The following PPARGC1A variants were observed in gnomAD, a reference collection of about 807,000 sequenced individuals.
PPARGC1A encodes PPARG coactivator 1 alpha.
In PPARGC1A, 25 loss-of-function variants were observed where a neutral mutation model predicts 88.7. The observed-to-expected ratio is 0.28, with a 90% CI of 0.21 to 0.39. The LOEUF (loss-of-function observed/expected upper bound fraction) is 0.39, where lower values mean the gene tolerates loss of function less well. Among genes scored for constraint, PPARGC1A ranks in the 10% least tolerant of loss-of-function variants. The probability of loss-of-function intolerance (pLI) is 1.00; values close to 1 mark genes in which losing one functional copy is unlikely to be tolerated. For synonymous variants in PPARGC1A, 363 were observed against 355.6 expected, an observed-to-expected ratio of 1.02 and a Z score of -0.24; for missense variants, 880 against 968.7, an observed-to-expected ratio of 0.91 and a Z score of 1.22.
the PPARGC1A span, among the ~76,000 whole-genome samples, chr4:24,032,410 T>C: frequency 6.6e-6 from 1 of 152,174 alleles, no homozygotes; most frequent in East Asian, 1.9e-4. Context: ...ATGGTGTTCA[T>C]AGAGCTCACC....
the PPARGC1A span, among the ~76,000 whole-genome samples, chr4:24,281,171 C>A: frequency 6.6e-6 from 1 of 152,232 alleles, no homozygotes; most frequent in African/African-American, 2.4e-5. Flanking sequence ...CTCGTGACTT[C>A]AGCCAAGCAA....
chr4:24,304,288 G>A, the PPARGC1A span, among the ~76,000 whole-genome samples: 2 of 152,198 alleles, frequency 1.3e-5, no homozygotes, highest in African/African-American at 4.8e-5. Context: ...CCAATAAAAG[G>A]CCCCCAGACT....
chr4:24,272,207 G>C, the PPARGC1A span, among the ~76,000 whole-genome samples: 3 of 152,032 alleles, frequency 2.0e-5, no homozygotes, highest in African/African-American at 7.2e-5. Flanking sequence ...GATATGATGA[G>C]GTTTCTCTTC....
chr4:24,232,507 A>G, the PPARGC1A span, among the ~76,000 whole-genome samples: 1 of 152,196 alleles, frequency 6.6e-6, no homozygotes, highest in African/African-American at 2.4e-5. Context: ...AGAAACACTG[A>G]TCAAATTTGA....
At chr4:23,940,871 A>C in the PPARGC1A span, among the ~76,000 whole-genome samples, 1 of 152,068 alleles carries the variant, frequency 6.6e-6, no homozygotes, top group Admixed American at 6.6e-5. Flanking sequence ...TCCAGACTCT[A>C]CAAAAAAAAT....
At position 23,828,413 on chromosome 4, in the gene PPARGC1A, T is replaced by G; in HGVS notation, c.744A>C (p.Ser248=). The G allele has an allele frequency of 6.2e-7, 1 of 1,613,704 alleles. No individual in the cohort carries two copies. Among genetic ancestry groups the G allele is most frequent in the Non-Finnish European group, 8.5e-7 (1 of 1,179,622 alleles). ...SKKKSHTQSQ[S]QHLQAKPTTL... ...TCCCCAGCCTACCTTGTAAGTGTTG[T>G]GACTGCGACTGTGTGTGGGACTTCT... The change falls in exon 5 of 13, where the codon TCA becomes TCC. Residue 248 remains serine (S), a synonymous_variant. Transcript: ENST00000264867.
At chr4:23,857,957 C>A (rs1730511362) in intron 2 of PPARGC1A, among the ~76,000 whole-genome samples, 2 of 151,400 alleles carry the variant, frequency 1.3e-5, no homozygotes, top group Admixed American at 1.3e-4. Flanking sequence ...TTTTCTATTC[C>A]ATTGTTTGCA....
At chr4:24,267,824 A>AT in the PPARGC1A span, among the ~76,000 whole-genome samples, 3,233 of 151,610 alleles carry the variant, frequency 0.021, 106 homozygotes, top group African/African-American at 0.074. Context: ...TCAACGTGTC[A>AT]TTTTTTTTTC....
chr4:24,047,206 C>T, the PPARGC1A span, among the ~76,000 whole-genome samples: 8 of 152,180 alleles, frequency 5.3e-5, no homozygotes, highest in Non-Finnish European at 1.2e-4. Context: ...TCTCTCTACT[C>T]GAAATAGTTT....
chr4:24,298,794 C>T, the PPARGC1A span, among the ~76,000 whole-genome samples: 1 of 152,136 alleles, frequency 6.6e-6, no homozygotes, highest in African/African-American at 2.4e-5. Flanking sequence ...GTCTAAGAAG[C>T]ACAGTTCCTA....
chr4:24,423,705 A>T, the PPARGC1A span, among the ~76,000 whole-genome samples: 1 of 152,248 alleles, frequency 6.6e-6, no homozygotes, highest in East Asian at 1.9e-4. Context: ...TTATTTGCAC[A>T]TTAGTATGAA....
At chr4:23,808,605 C>A (rs1458864193) in intron 10 of PPARGC1A, among the ~76,000 whole-genome samples, 1 of 152,106 alleles carries the variant, frequency 6.6e-6, no homozygotes, top group Non-Finnish European at 1.5e-5. Context: ...CCAATATAAC[C>A]TGAATTATTT....
At chr4:23,821,498 A>G (rs1423793601) in intron 7 of PPARGC1A, among the ~76,000 whole-genome samples, 1 of 152,034 alleles carries the variant, frequency 6.6e-6, no homozygotes, top group African/African-American at 2.4e-5. Context: ...GGCACAGAAA[A>G]AGAATAAATA....
the PPARGC1A span, among the ~76,000 whole-genome samples, chr4:24,237,721 A>G: frequency 1.3e-5 from 2 of 152,188 alleles, no homozygotes; most frequent in African/African-American, 4.8e-5. Context: ...AGAAATACTG[A>G]GGGGGCTCAC....
the PPARGC1A span, among the ~76,000 whole-genome samples, chr4:24,327,065 A>C: frequency 6.6e-6 from 1 of 152,176 alleles, no homozygotes; most frequent in Non-Finnish European, 1.5e-5. Flanking sequence ...TGGTCTATTA[A>C]AAACACACCT....
the PPARGC1A span, among the ~76,000 whole-genome samples, chr4:23,990,927 A>G: frequency 6.6e-6 from 1 of 152,024 alleles, no homozygotes; most frequent in Non-Finnish European, 1.5e-5. Flanking sequence ...TGTTCTCCAA[A>G]GCACTGAAAT....
At chr4:23,896,161 T>C (rs1718578424) in intron 1 of PPARGC1A, among the ~76,000 whole-genome samples, 1 of 152,014 alleles carries the variant, frequency 6.6e-6, no homozygotes, top group Non-Finnish European at 1.5e-5. Context: ...AAGAAGAGGA[T>C]GAGGAGGAAA....
intron 2 of PPARGC1A, among the ~76,000 whole-genome samples, chr4:23,870,451 G>C (rs116980515): frequency 6.6e-6 from 1 of 152,160 alleles, no homozygotes; most frequent in East Asian, 1.9e-4. Flanking sequence ...ACTTTCTGTA[G>C]TTTGTAGTCT....
chr4:24,233,151 G>A, the PPARGC1A span, among the ~76,000 whole-genome samples: 2 of 152,098 alleles, frequency 1.3e-5, no homozygotes, highest in Non-Finnish European at 2.9e-5. Flanking sequence ...AAGAACAACC[G>A]TCAGAAGTCT....
Sources: allele counts gnomAD v4.1 joint callset (sites outside exome capture counted in the v4.1 genomes callset), GRCh38; gene constraint gnomAD v4.1.1; transcripts MANE v1.5; gene names NCBI Gene and HGNC (gene_info 2026-07-23, HGNC 2026-07-21).